Variants in GARNL3 observed in about 807,000 individuals in gnomAD.
GARNL3 encodes GTPase activating Rap/RanGAP domain like 3.
In GARNL3, 63 loss-of-function variants were observed where a neutral mutation model predicts 125.0. The ratio of observed to expected loss-of-function variants is 0.50; its 90% CI spans 0.41 to 0.62. GARNL3 has a LOEUF of 0.62. Among genes scored for constraint, GARNL3 ranks in the 20% least tolerant of loss-of-function variants. GARNL3 has a pLI of 0.00. For synonymous variants in GARNL3, 439 were observed against 457.5 expected (o/e 0.96, Z 0.52); for missense variants, 994 against 1,244.0 (o/e 0.80, Z 3.02).
At chr9:127,346,125 C>T (rs939113130) in intron 16 of GARNL3, among the ~76,000 whole-genome samples, 5 of 152,164 alleles carry the variant, frequency 3.3e-5, no homozygotes, top group Non-Finnish European at 7.3e-5. Context: ...TTCCACTTTC[C>T]ATGGGGGTAA....
chr9:127,243,037 C>T lies in GARNL3; in HGVS notation c.-28-42C>T, dbSNP rs2063230607. On this transcript the variant is annotated intron_variant, in intron 1 of 10. Coordinates refer to the GARNL3 transcript ENST00000439286. ...GCAGGCCAGGGATTGGCCTGCCGTTCTTCTCTGTCTCTTAGTGCCTTTCCC... is the reference window on the plus strand; with the variant it reads ...GCAGGCCAGGGATTGGCCTGCCGTTTTTCTCTGTCTCTTAGTGCCTTTCCC... 3 of 1,310,530 alleles carry T rather than the reference C, an allele frequency of 2.3e-6. No homozygotes were observed. The Admixed American group carries it at 6.8e-5, about 30-fold the overall frequency. 81.2% of individuals were successfully genotyped at this position (1,310,530 alleles called of 1,614,324 possible).
rs1829340627 is a variant in GARNL3, at chr9:127,332,880, A to G, written c.671-143A>G. The G allele has an allele frequency of 4.6e-6, 3 of 652,338 alleles. No individual in the cohort carries two copies. In the African/African-American group the frequency reaches 5.4e-5, roughly 12 times the overall value. The allele number at this position is 652,338 out of a possible 1,614,324, so 40.4% of individuals were successfully genotyped here. On this transcript the variant is annotated intron_variant, in intron 8 of 27. Transcript: ENST00000373387. The stretch of plus-strand genomic sequence containing the variant: ...TGGGGCTTCCTCATGGTGCTCAAGA[A>G]GAAGGAAATGTGACTTACCCATGCT...
intron 2 of GARNL3, among the ~76,000 whole-genome samples, chr9:127,251,602 G>T (rs1022158678): frequency 4.6e-5 from 7 of 152,104 alleles, no homozygotes; most frequent in Admixed American, 1.3e-4. Context: ...CAGAAATTTG[G>T]AATACAATAT....
intron 22 of GARNL3, among the ~76,000 whole-genome samples, chr9:127,373,656 A>G (rs542620079): frequency 6.6e-6 from 1 of 152,358 alleles, no homozygotes; most frequent in East Asian, 1.9e-4. Flanking sequence ...GGTTGCAGAG[A>G]TAAGACATGG....
rs927820220 is a variant in GARNL3, at chr9:127,392,012, C to A, written c.2871-1071C>A. 1.3e-5 allele frequency among the ~76,000 whole-genome samples: 2 copies of A among 152,214 alleles called. No individual in the cohort carries two copies. Among genetic ancestry groups the A allele is most frequent in the Non-Finnish European group, 2.9e-5 (2 of 68,036 alleles). On this transcript the variant is annotated intron_variant, in intron 27 of 27. Transcript: ENST00000373387. This position sits in a 1 kb window ranked among gnomAD's most constrained non-coding sequence, Gnocchi z 5.2. Reference sequence around the variant, plus strand: ...TAAGATATGGAAAGGACTAAGCCCCCACCTGTGCCTTCAAGGGGTTCCCAG... The same window carrying A: ...TAAGATATGGAAAGGACTAAGCCCCAACCTGTGCCTTCAAGGGGTTCCCAG...
chr9:127,299,961 C>T (rs1588796487), intron 2 of GARNL3: 1 of 179,840 alleles, frequency 5.6e-6, no homozygotes, highest in Non-Finnish European at 1.2e-5. Context: ...GCATCGGCCT[C>T]CCAAAGTGCT....
Position 127,385,257 on chromosome 9 carries a change from G to T in GARNL3, c.2388+112G>T. The T allele has an allele frequency of 1.7e-6, 1 of 578,776 alleles. No homozygotes were observed. Among genetic ancestry groups the T allele is most frequent in the Admixed American group, 3.1e-5 (1 of 32,354 alleles). 35.9% of individuals were successfully genotyped at this position (578,776 alleles called of 1,614,324 possible). On this transcript the variant is annotated intron_variant, in intron 24 of 27. Transcript: ENST00000373387. This position sits in a 1 kb window ranked among gnomAD's most constrained non-coding sequence, Gnocchi z 4.1. ...TCAAGTTAGGCTGATGAAGACCGGT[G>T]TCAGAATGCCAGCACGAGATGGAAA...
At chr9:127,256,125 A>G (rs1402542987) in intron 2 of GARNL3, among the ~76,000 whole-genome samples, 1 of 152,206 alleles carries the variant, frequency 6.6e-6, no homozygotes, top group Non-Finnish European at 1.5e-5. Context: ...TTGGTCATGC[A>G]TTTATAGATC....
chr9:127,298,302 C>T (rs890665277), intron 2 of GARNL3, among the ~76,000 whole-genome samples: 1 of 152,126 alleles, frequency 6.6e-6, no homozygotes, highest in Non-Finnish European at 1.5e-5. Context: ...CCTCAGCCTC[C>T]CAAATAGCTG....
chr9:127,360,263 C>T (rs1830918259), intron 21 of GARNL3, among the ~76,000 whole-genome samples: 1 of 152,086 alleles, frequency 6.6e-6, no homozygotes, highest in Non-Finnish European at 1.5e-5. Context: ...CCTCGTGATC[C>T]CGCCCACCTT....
intron 2 of GARNL3, among the ~76,000 whole-genome samples, chr9:127,302,154 G>A (rs1041008962): frequency 4.6e-5 from 7 of 151,722 alleles, no homozygotes; most frequent in Non-Finnish European, 1.0e-4. Context: ...GTGTCAGCCA[G>A]GATGGTCTCG....
chr9:127,249,672 G>T (rs2063365536), intron 2 of GARNL3, among the ~76,000 whole-genome samples: 1 of 152,060 alleles, frequency 6.6e-6, no homozygotes, highest in Admixed American at 6.6e-5. Flanking sequence ...TTAGCTAGGG[G>T]CTTGGTTAAG....
chr9:127,331,729 T>TTTTTTTTTTTTTTTTTTTTTTTTTTC, intron 7 of GARNL3, among the ~76,000 whole-genome samples: 1 of 146,234 alleles, frequency 6.8e-6, no homozygotes, highest in Non-Finnish European at 1.5e-5. Flanking sequence ...GCTTTTTTTT[T>TTTTTTTTTTTTTTTTTTTTTTTTTTC]TTTTTTCACA....
In GARNL3 at chr9:127,385,374, T is replaced by C. The variant is rs1832489472; in HGVS notation, c.2388+229T>C. ...AGCTTTGTTAATAGTCATTAACTGGTGCTGGTGGCAGCTGGGGAGCACTTA... is the reference window on the plus strand; with the variant it reads ...AGCTTTGTTAATAGTCATTAACTGGCGCTGGTGGCAGCTGGGGAGCACTTA... On this transcript the variant is annotated intron_variant, in intron 24 of 27. Transcript: ENST00000373387. The surrounding 1 kb of genome is among the most constrained non-coding windows in gnomAD (Gnocchi z 4.1). 6.6e-6 allele frequency among the ~76,000 whole-genome samples: 1 copy of C among 152,196 alleles called. No homozygotes were observed. The highest frequency in any genetic ancestry group is 6.5e-5 in the Admixed American group (1 of 15,276).
At position 127,392,950 on chromosome 9, in the gene GARNL3, C is replaced by T; in HGVS notation, c.2871-133C>T. On this transcript the variant is annotated intron_variant, in intron 27 of 27. Transcript: ENST00000373387. The surrounding 1 kb of genome is among the most constrained non-coding windows in gnomAD (Gnocchi z 5.2). ...GGGGTGGCATTCCAGCACTTCCCCA[C>T]CTCTACCACATAACAGTGAGGGTTT... 2 of 702,614 alleles carry T rather than the reference C, an allele frequency of 2.8e-6. No homozygotes were observed. Among genetic ancestry groups the T allele is most frequent in the Non-Finnish European group, 4.8e-6 (2 of 417,136 alleles). The allele number at this position is 702,614 out of a possible 1,614,324, so 43.5% of individuals were successfully genotyped here. A position where few individuals can be genotyped will look rare whatever the true frequency, so the allele number is the denominator to read the frequency against.
chr9:127,350,889 T>C (rs1380489877), intron 17 of GARNL3, among the ~76,000 whole-genome samples: 1 of 152,178 alleles, frequency 6.6e-6, no homozygotes, highest in Non-Finnish European at 1.5e-5. Flanking sequence ...GTTAGTTTTA[T>C]TGATGAACAA....
At chr9:127,360,758 C>G (rs1048774200) in intron 21 of GARNL3, among the ~76,000 whole-genome samples, 7 of 152,176 alleles carry the variant, frequency 4.6e-5, no homozygotes, top group African/African-American at 1.7e-4. Context: ...GGGCAGGCCT[C>G]GCTTCCTGCT....
intron 1 of GARNL3, among the ~76,000 whole-genome samples, chr9:127,286,598 C>A (rs114318847): frequency 0.034 from 5,241 of 152,178 alleles, 300 homozygotes; most frequent in African/African-American, 0.12. Flanking sequence ...TTTGGTTCAC[C>A]ATGGTCACTA....
At chr9:127,271,852 A>G (rs766994898) in intron 1 of GARNL3, among the ~76,000 whole-genome samples, 3 of 150,316 alleles carry the variant, frequency 2.0e-5, no homozygotes, top group Non-Finnish European at 4.4e-5. Flanking sequence ...ACAAGGTAGT[A>G]TATTGTCCAT....
Sources: allele counts gnomAD v4.1 joint callset (sites outside exome capture counted in the v4.1 genomes callset), GRCh38; gene constraint gnomAD v4.1.1; non-coding constraint Gnocchi (gnomAD v3.1); transcripts MANE v1.5; gene names NCBI Gene and HGNC (gene_info 2026-07-23, HGNC 2026-07-21).